Variants in ZBTB16 observed in about 807,000 individuals in gnomAD.
The protein encoded by ZBTB16 is zinc finger and BTB domain containing 16.
In ZBTB16, 8 loss-of-function variants were observed where a neutral mutation model predicts 56.8. The observed-to-expected ratio is 0.14, with a 90% CI of 0.08 to 0.25. The LOEUF (loss-of-function observed/expected upper bound fraction) is 0.25. Ranked by LOEUF, ZBTB16 falls within the 10% of genes least tolerant of loss-of-function variation. The pLI is 1.00. For synonymous variants in ZBTB16, 363 were observed against 368.5 expected, an observed-to-expected ratio of 0.98 and a Z score of 0.17; for missense variants, 625 against 903.0, an observed-to-expected ratio of 0.69 and a Z score of 3.95.
intron 2 of ZBTB16, among the ~76,000 whole-genome samples, chr11:114,141,077 G>A (rs370117117): frequency 6.6e-6 from 1 of 152,098 alleles, no homozygotes; most frequent in African/African-American, 2.4e-5. Flanking sequence ...CAGGCTCCTC[G>A]CCGCTGTCTT....
intron 2 of ZBTB16, among the ~76,000 whole-genome samples, chr11:114,112,559 A>G (rs1343172993): frequency 1.3e-5 from 2 of 151,998 alleles, no homozygotes; most frequent in Non-Finnish European, 2.9e-5. Context: ...TCGTCAAAAC[A>G]CCCCTTCTGT....
At chr11:114,187,595 CGTT>C (rs1565675222) in intron 4 of ZBTB16, 3 of 175,554 alleles carry the variant, frequency 1.7e-5, no homozygotes, top group Admixed American at 5.5e-5. Context: ...TGATCAGAGT[CGTT>C]GTCATCACAT....
chr11:114,157,018 T>C (rs1299006028), intron 3 of ZBTB16, among the ~76,000 whole-genome samples: 1 of 152,200 alleles, frequency 6.6e-6, no homozygotes, highest in South Asian at 2.1e-4. Context: ...CTAGCAGGTC[T>C]GATGCGGTGG....
At chr11:114,218,209 A>C (rs1365251340) in intron 4 of ZBTB16, among the ~76,000 whole-genome samples, 1 of 152,234 alleles carries the variant, frequency 6.6e-6, no homozygotes, top group Non-Finnish European at 1.5e-5. Context: ...CTGGAAGTCC[A>C]ACCCAGGTGA....
chr11:114,105,145 T>C (rs1417122645), intron 2 of ZBTB16, among the ~76,000 whole-genome samples: 1 of 152,234 alleles, frequency 6.6e-6, no homozygotes, highest in Non-Finnish European at 1.5e-5. Context: ...TTTCTTGCTG[T>C]AATCCGAATA....
chr11:114,216,536 G>A (rs1372018565), intron 4 of ZBTB16, among the ~76,000 whole-genome samples: 1 of 152,182 alleles, frequency 6.6e-6, no homozygotes, highest in Non-Finnish European at 1.5e-5. Context: ...CTTTTGTGGG[G>A]GAATGTACAC....
rs1172422003 is a variant in ZBTB16 at position 114,252,178 on chromosome 11, T to C, written c.*1623T>C. 6.6e-6 allele frequency among the ~76,000 whole-genome samples: 1 copy of C among 152,034 alleles called. No individual in the cohort carries two copies. Among genetic ancestry groups the C allele is most frequent in the African/African-American group, 2.4e-5 (1 of 41,404 alleles). On this transcript the variant is annotated 3_prime_UTR_variant, in exon 7 of 7. Transcript: ENST00000335953. ...CCCAGAGGGCACTAGGGAGTCACTT[T>C]TGGCTCCGCTGGTGCATGAAGTCAC...
At chr11:114,235,629 C>CTTTCTTTCTTTCTTTCTTT (rs1944551537) in intron 4 of ZBTB16, among the ~76,000 whole-genome samples, 8 of 97,854 alleles carry the variant, frequency 8.2e-5, no homozygotes, top group East Asian at 3.0e-4. Flanking sequence ...CCTCTCCCTT[C>CTTTCTTTCTTTCTTTCTTT]CTTTCTTTCT....
intron 4 of ZBTB16, among the ~76,000 whole-genome samples, chr11:114,235,694 T>TTTCTTTC (rs1944565379): frequency 3.0e-5 from 1 of 33,786 alleles, no homozygotes; most frequent in African/African-American, 7.4e-5. Flanking sequence ...TTCTTTCTTT[T>TTTCTTTC]CTTTCTTTCT....
chr11:114,235,695 C>CT (rs1407635403), intron 4 of ZBTB16, among the ~76,000 whole-genome samples: 3 of 92,164 alleles, frequency 3.3e-5, no homozygotes, highest in Non-Finnish European at 4.5e-5. Context: ...TCTTTCTTTT[C>CT]TTTCTTTCTT....
chr11:114,099,494 G>A (rs1366425220), intron 2 of ZBTB16, among the ~76,000 whole-genome samples: 8 of 151,922 alleles, frequency 5.3e-5, no homozygotes, highest in Admixed American at 5.2e-4. Flanking sequence ...AAGAAACATA[G>A]CAGCTGCTGG....
At chr11:114,146,319 C>T (rs1942102533) in intron 2 of ZBTB16, among the ~76,000 whole-genome samples, 1 of 151,892 alleles carries the variant, frequency 6.6e-6, no homozygotes, top group South Asian at 2.1e-4. Context: ...TTTTCCTGCC[C>T]CTTTCAGGGA....
intron 3 of ZBTB16, among the ~76,000 whole-genome samples, chr11:114,164,785 G>A (rs987412167): frequency 2.6e-5 from 4 of 152,054 alleles, no homozygotes; most frequent in Non-Finnish European, 5.9e-5. Flanking sequence ...CATCCATCAC[G>A]CTACTGCGGC....
intron 3 of ZBTB16, among the ~76,000 whole-genome samples, chr11:114,161,822 T>C (rs563147421): frequency 6.6e-6 from 1 of 151,836 alleles, no homozygotes; most frequent in Non-Finnish European, 1.5e-5. Flanking sequence ...GGCTTTTTTT[T>C]ATGTAGACTA....
chr11:114,164,917 C>T (rs1362580085), intron 3 of ZBTB16, among the ~76,000 whole-genome samples: 1 of 152,154 alleles, frequency 6.6e-6, no homozygotes, highest in Non-Finnish European at 1.5e-5. Context: ...TTGTCCCTGT[C>T]CTTTGTGTCT....
chr11:114,148,469 C>CTCTTTCTTTCTTTCTTTCTTTCTT lies in ZBTB16; in HGVS notation c.1269-7863_1269-7840dup, dbSNP rs1555144000. Among the ~76,000 whole-genome samples, 6 of 60,970 alleles carry CTCTTTCTTTCTTTCTTTCTTTCTT rather than the reference C, an allele frequency of 9.8e-5. No homozygotes were observed. In the South Asian group the frequency reaches 2.9e-3, roughly 30 times the overall value. The allele number at this position is 60,970 out of a possible 152,430, so 40.0% of individuals were successfully genotyped here. ...TCTCTGTCTGTCTGTCTCTCTCTCT[C>CTCTTTCTTTCTTTCTTTCTTTCTT]TCTTTCTTTCTTTCTTTCTTTCTTT... On this transcript the variant is annotated intron_variant, in intron 2 of 6. Coordinates refer to ENST00000335953, the MANE Select transcript of ZBTB16 (RefSeq NM_006006.6).
chr11:114,165,502 G>A (rs1437551318), intron 3 of ZBTB16, among the ~76,000 whole-genome samples: 6 of 152,238 alleles, frequency 3.9e-5, no homozygotes, highest in Non-Finnish European at 7.3e-5. Flanking sequence ...CTGGTACATA[G>A]GAGTGTTGTG....
At chr11:114,103,888 G>A (rs1328358102) in intron 2 of ZBTB16, among the ~76,000 whole-genome samples, 1 of 152,126 alleles carries the variant, frequency 6.6e-6, no homozygotes, top group Non-Finnish European at 1.5e-5. Flanking sequence ...CCTAGCGTGT[G>A]GGTTTGGAGC....
intron 2 of ZBTB16, among the ~76,000 whole-genome samples, chr11:114,144,478 A>C (rs557433153): frequency 6.6e-6 from 1 of 152,170 alleles, no homozygotes. Context: ...TGTTCTTTGC[A>C]AGGAGTCTGT....
Sources: gnomAD v4.1 joint callset for allele counts (sites outside exome capture counted in the v4.1 genomes callset) on GRCh38, gnomAD v4.1.1 for gene constraint, MANE v1.5 for transcripts, NCBI Gene and HGNC (gene_info 2026-07-23, HGNC 2026-07-21) for gene names.